Variants in ESR1 observed in about 807,000 individuals in gnomAD.
ESR1 encodes the protein estrogen receptor.
In ESR1, 12 loss-of-function variants were observed where a neutral mutation model predicts 52.7. That is an observed-to-expected ratio of 0.23 (90% CI 0.15 to 0.37). The LOEUF (loss-of-function observed/expected upper bound fraction) is 0.37, where lower values mean the gene tolerates loss of function less well. Ranked by LOEUF, ESR1 falls within the 10% of genes least tolerant of loss-of-function variation. ESR1 has a pLI of 1.00. For missense variants in ESR1, 584 were observed against 779.7 expected (o/e 0.75, Z 2.99); for synonymous variants, 305 against 316.8 (o/e 0.96, Z 0.39).
intron 1 of ESR1, among the ~76,000 whole-genome samples, chr6:151,836,132 A>C (rs1783291397): frequency 6.6e-6 from 1 of 152,342 alleles, no homozygotes; most frequent in African/African-American, 2.4e-5. Flanking sequence ...ATTCAAAGAA[A>C]GATAGGCAGA....
chr6:151,851,190 A>G (rs1786632071), intron 2 of ESR1, among the ~76,000 whole-genome samples: 1 of 152,178 alleles, frequency 6.6e-6, no homozygotes, highest in African/African-American at 2.4e-5. Context: ...TTCTACAAAT[A>G]TGATGATTCC....
chr6:151,968,076 T>C (rs1472482117), intron 4 of ESR1, among the ~76,000 whole-genome samples: 2 of 151,920 alleles, frequency 1.3e-5, no homozygotes, highest in Non-Finnish European at 2.9e-5. Flanking sequence ...AACAGATACA[T>C]AGACTGATGG....
At chr6:151,746,233 G>A (rs1783472648) in intron 2 of ESR1, among the ~76,000 whole-genome samples, 1 of 152,162 alleles carries the variant, frequency 6.6e-6, no homozygotes, top group Admixed American at 6.5e-5. Flanking sequence ...ATACACAGAA[G>A]TGTATATAGG....
chr6:151,670,485 TG>T (rs1466825695), intron 1 of ESR1, among the ~76,000 whole-genome samples: 1 of 152,188 alleles, frequency 6.6e-6, no homozygotes, highest in African/African-American at 2.4e-5. Flanking sequence ...TCCTGGCACA[TG>T]GTAGGAGCCC....
intron 3 of ESR1, among the ~76,000 whole-genome samples, chr6:151,899,502 C>A (rs537860257): frequency 7.0e-6 from 1 of 143,302 alleles, no homozygotes; most frequent in African/African-American, 2.6e-5. Flanking sequence ...CCCTCCCGGA[C>A]GGGGCGGCTG....
Position 151,749,792 on chromosome 6 carries a change from C to T in ESR1, c.-71+47787C>T, listed in dbSNP as rs536918808. Among the ~76,000 whole-genome samples, 6 of 152,124 alleles carry T rather than the reference C, an allele frequency of 3.9e-5. No individual in the cohort carries two copies. The East Asian group carries it at 1.2e-3, about 29-fold the overall frequency. Reference sequence around the variant, plus strand: ...TGTGCTACTCTGATATTTTTAGCTCCGTGGGGGAAAAAGAACTGCTAGACA... The same window carrying T: ...TGTGCTACTCTGATATTTTTAGCTCTGTGGGGGAAAAAGAACTGCTAGACA... On this transcript the variant is annotated intron_variant, in intron 2 of 2. Transcript: ENST00000404742.
intron 6 of ESR1, among the ~76,000 whole-genome samples, chr6:152,071,232 A>ATC (rs756692227): frequency 0.22 from 33,784 of 152,038 alleles, 5,510 homozygotes; most frequent in African/African-American, 0.45. Context: ...TAACAAGAAA[A>ATC]TTATTCTTTT....
At chr6:152,011,627 T>A (rs375014758) in intron 4 of ESR1, 29 bp from the exon 5 acceptor site, 1 of 1,612,792 alleles carries the variant, frequency 6.2e-7, no homozygotes, top group African/African-American at 1.3e-5. Context: ...TTCATTTGAG[T>A]CAGCAGGGTT....
At chr6:151,703,688 T>C (rs542369939) in intron 2 of ESR1, among the ~76,000 whole-genome samples, 8 of 152,330 alleles carry the variant, frequency 5.3e-5, no homozygotes, top group African/African-American at 1.9e-4. Flanking sequence ...TCCATCTGGC[T>C]GAGGCTGAAC....
chr6:152,001,185 C>T (rs1010558805), intron 4 of ESR1, among the ~76,000 whole-genome samples: 1 of 151,908 alleles, frequency 6.6e-6, no homozygotes, highest in African/African-American at 2.4e-5. Context: ...TAATAGAATA[C>T]CTGAGACTGG....
At chr6:152,082,501 A>G (rs1244781579) in intron 6 of ESR1, among the ~76,000 whole-genome samples, 2 of 152,192 alleles carry the variant, frequency 1.3e-5, no homozygotes, top group Non-Finnish European at 2.9e-5. Context: ...CCCACAGCCA[A>G]TATCATACTG....
chr6:151,701,476 C>T (rs1233027988), intron 1 of ESR1, among the ~76,000 whole-genome samples: 1 of 148,112 alleles, frequency 6.8e-6, no homozygotes, highest in Non-Finnish European at 1.5e-5. Context: ...TTGCAGTGAG[C>T]CGAGACCGCA....
At chr6:151,698,327 C>T (rs549321275) in intron 1 of ESR1, among the ~76,000 whole-genome samples, 1 of 150,986 alleles carries the variant, frequency 6.6e-6, no homozygotes, top group Admixed American at 6.6e-5. Context: ...CATAGCGCCA[C>T]TGCACACTGC....
intron 4 of ESR1, among the ~76,000 whole-genome samples, chr6:151,996,268 C>T (rs960599898): frequency 2.0e-5 from 3 of 152,110 alleles, no homozygotes; most frequent in African/African-American, 7.2e-5. Context: ...TCTCAGTTTG[C>T]CTACGATCCA....
At chr6:151,812,297 T>C (rs1778952173) in intron 1 of ESR1, among the ~76,000 whole-genome samples, 1 of 152,200 alleles carries the variant, frequency 6.6e-6, no homozygotes, top group African/African-American at 2.4e-5. Context: ...GTTTTGGTGC[T>C]TTCATAGGCT....
At position 151,864,524 on chromosome 6, in the gene ESR1, G is replaced by A. The variant is rs189824080; in HGVS notation, c.644-16131G>A. On this transcript the variant is annotated intron_variant, in intron 2 of 7. Transcript: ENST00000206249. ...ACTGGTTCAACCATTGTGGAAGACA[G>A]TGTGGCGATTCCTCAGGGATCTACA... 4.0e-3 allele frequency among the ~76,000 whole-genome samples: 614 copies of A among 152,262 alleles called. 1 individual carries two copies. The highest frequency in any genetic ancestry group is 0.014 in the African/African-American group (580 of 41,538).
rs1396702152 is a variant in ESR1 at position 152,031,724 on chromosome 6, G to C, written c.1235+19930G>C. Among the ~76,000 whole-genome samples the C allele has an allele frequency of 2.0e-5, 3 of 152,260 alleles. No homozygotes were observed. In the East Asian group the frequency reaches 5.8e-4, roughly 29 times the overall value. On this transcript the variant is annotated intron_variant, in intron 5 of 7. Transcript: ENST00000206249. ...TCTACCAGAGGTACAAGGAGGAGCT[G>C]GTACCATTCCTTCGGAAACTATTCC... is the stretch of plus-strand genomic sequence containing the variant.
intron 2 of ESR1, among the ~76,000 whole-genome samples, chr6:151,782,386 A>G (rs924658054): frequency 1.3e-5 from 2 of 152,192 alleles, no homozygotes; most frequent in African/African-American, 4.8e-5. Context: ...TGTTTTTAAG[A>G]ATAGTATTAT....
chr6:151,836,300 C>G (rs1234021832), intron 1 of ESR1, among the ~76,000 whole-genome samples: 1 of 152,140 alleles, frequency 6.6e-6, no homozygotes, highest in Non-Finnish European at 1.5e-5. Context: ...ATTTAATGGA[C>G]TCACAGTGCC....
Sources: allele counts gnomAD v4.1 joint callset (sites outside exome capture counted in the v4.1 genomes callset), GRCh38; gene constraint gnomAD v4.1.1; transcripts MANE v1.5; gene names NCBI Gene and HGNC (gene_info 2026-07-23, HGNC 2026-07-21).